CCSER1: variants seen among roughly 807,000 people sequenced by gnomAD.
CCSER1 encodes the protein serine-rich coiled-coil domain-containing protein 1.
CCSER1 carries 41 observed loss-of-function variants against 82.0 expected under a neutral mutation model. The observed-to-expected ratio is 0.50, with a 90% CI of 0.39 to 0.65. The LOEUF is 0.65. CCSER1 is among the 30% of genes least tolerant of loss of function. The pLI, the probability that CCSER1 is intolerant of heterozygous loss-of-function variation, is 0.00. For missense variants in CCSER1, 1,119 were observed against 1,064.2 expected (o/e 1.05, Z -0.72); for synonymous variants, 414 against 383.9 (o/e 1.08, Z -0.92).
chr4:90,334,179 A>G (rs1739926864), intron 3 of CCSER1, among the ~76,000 whole-genome samples: 1 of 152,164 alleles, frequency 6.6e-6, no homozygotes, highest in Non-Finnish European at 1.5e-5. Flanking sequence ...AAAGTATTTC[A>G]GTAAGGCAGG....
intron 5 of CCSER1, among the ~76,000 whole-genome samples, chr4:90,550,505 A>G (rs1456285275): frequency 6.6e-6 from 1 of 152,114 alleles, no homozygotes; most frequent in Non-Finnish European, 1.5e-5. Context: ...TTCTTTCACA[A>G]TTTTATTTTC....
At chr4:91,188,535 C>T (rs776448676) in intron 10 of CCSER1, among the ~76,000 whole-genome samples, 61 of 152,252 alleles carry the variant, frequency 4.0e-4, no homozygotes, top group Non-Finnish European at 6.8e-4. Flanking sequence ...ATAGCTAGTG[C>T]TCAGTAAATT....
At chr4:90,134,269 A>G (rs1205232220) in intron 1 of CCSER1, among the ~76,000 whole-genome samples, 1 of 152,200 alleles carries the variant, frequency 6.6e-6, no homozygotes, top group Non-Finnish European at 1.5e-5. Flanking sequence ...GAAACTCTGA[A>G]GGAGTATATC....
chr4:90,143,483 T>TACAC (rs1331230610), intron 1 of CCSER1, among the ~76,000 whole-genome samples: 10 of 78,226 alleles, frequency 1.3e-4, no homozygotes, highest in Non-Finnish European at 2.8e-4. Context: ...TCCTAGCAAG[T>TACAC]ACACACATAC....
At chr4:90,925,476 A>C (rs1234579668) in intron 9 of CCSER1, among the ~76,000 whole-genome samples, 2 of 152,194 alleles carry the variant, frequency 1.3e-5, no homozygotes, top group African/African-American at 4.8e-5. Flanking sequence ...ACTTTTATGT[A>C]ATACCATCAA....
intron 9 of CCSER1, chr4:91,017,177 G>A (rs887926851): frequency 1.3e-5 from 2 of 152,138 alleles, no homozygotes; most frequent in African/African-American, 2.4e-5. Context: ...AGTAAGATCA[G>A]CTCTGGATAC....
rs370837260 is a variant in CCSER1, at chr4:90,519,466, C to T, written c.1724+51112C>T. On this transcript the variant is annotated intron_variant, in intron 5 of 10. Transcript: ENST00000509176. The stretch of plus-strand genomic sequence containing the variant: ...TTTGTTATGTATATAAGCTGCATCC[C>T]AAAAACAAGTGTTACATAGGGAAGA... Among the ~76,000 whole-genome samples the T allele has an allele frequency of 1.9e-3, 286 of 151,738 alleles. 1 individual carries two copies. The highest frequency in any genetic ancestry group is 0.013 in the South Asian group (64 of 4,808).
At chr4:90,159,371 A>T (rs1728993203) in intron 1 of CCSER1, among the ~76,000 whole-genome samples, 2 of 152,120 alleles carry the variant, frequency 1.3e-5, no homozygotes, top group Admixed American at 6.6e-5. Flanking sequence ...AAAAAAATAT[A>T]TTGCAGTTGA....
intron 7 of CCSER1, among the ~76,000 whole-genome samples, chr4:90,761,849 T>A (rs1750458341): frequency 6.6e-6 from 1 of 151,916 alleles, no homozygotes; most frequent in Non-Finnish European, 1.5e-5. Flanking sequence ...GTGTTGCAAA[T>A]GGCCAAAGTG....
At chr4:91,117,645 T>C (rs1726735033) in intron 10 of CCSER1, among the ~76,000 whole-genome samples, 1 of 152,186 alleles carries the variant, frequency 6.6e-6, no homozygotes, top group South Asian at 2.1e-4. Context: ...GTTTTGTACC[T>C]TTGCGTTGTA....
chr4:91,017,841 GTA>G (rs55954135), intron 9 of CCSER1, among the ~76,000 whole-genome samples: 2 of 142,338 alleles, frequency 1.4e-5, no homozygotes, highest in Non-Finnish European at 3.1e-5. Context: ...GTGTGTGTGT[GTA>G]TAAATTTTTT....
At chr4:90,470,762 CAAAAAAA>C (rs754754971) in intron 5 of CCSER1, among the ~76,000 whole-genome samples, 1 of 71,254 alleles carries the variant, frequency 1.4e-5, no homozygotes, top group South Asian at 5.8e-4. Flanking sequence ...TTAATCAAAG[CAAAAAAA>C]AAAAAAAAAA....
At chr4:91,046,574 G>T (rs556854898) in intron 9 of CCSER1, among the ~76,000 whole-genome samples, 5 of 152,212 alleles carry the variant, frequency 3.3e-5, no homozygotes, top group African/African-American at 9.6e-5. Flanking sequence ...ACACAAGAAA[G>T]GTTTCTTTCT....
chr4:90,429,274 A>G (rs10027018), intron 4 of CCSER1, among the ~76,000 whole-genome samples: 2,694 of 151,926 alleles, frequency 0.018, 34 homozygotes, highest in African/African-American at 0.038. Context: ...CCACATTGCC[A>G]TTGTAGAAGT....
chr4:91,500,194 T>C (rs1560719741), intron 10 of CCSER1, among the ~76,000 whole-genome samples: 1 of 152,034 alleles, frequency 6.6e-6, no homozygotes, highest in Non-Finnish European at 1.5e-5. Flanking sequence ...TATCTCATTG[T>C]TGTTTCAATT....
At chr4:90,958,538 T>C (rs1733747959) in intron 9 of CCSER1, among the ~76,000 whole-genome samples, 1 of 152,084 alleles carries the variant, frequency 6.6e-6, no homozygotes, top group Non-Finnish European at 1.5e-5. Context: ...GCTGTGTGTT[T>C]TGGGTCGAGA....
chr4:90,615,473 T>C (rs773117341), intron 5 of CCSER1, among the ~76,000 whole-genome samples: 3 of 152,080 alleles, frequency 2.0e-5, no homozygotes, highest in Non-Finnish European at 4.4e-5. Context: ...AATATCAACA[T>C]CAACACAAAT....
chr4:91,260,533 A>G (rs1242019921), intron 10 of CCSER1, among the ~76,000 whole-genome samples: 4 of 152,162 alleles, frequency 2.6e-5, no homozygotes, highest in Admixed American at 2.6e-4. Flanking sequence ...ACAGAATTAC[A>G]TTCTGTTTGA....
Position 90,621,465 on chromosome 4 carries a change from GT to G in CCSER1, c.1725-6548del, listed in dbSNP as rs566048910. On this transcript the variant is annotated intron_variant, in intron 5 of 10. Coordinates refer to ENST00000509176, the MANE Select transcript of CCSER1 (RefSeq NM_001145065.2). ...TATCAATTGGTTTCCAAGTTTCTGG[GT>G]TTTTTTTTTTTCATCTTTATAATGT... 7.3e-3 allele frequency among the ~76,000 whole-genome samples: 1,047 copies of G among 143,206 alleles called. 9 individuals are homozygous for G. The highest frequency in any genetic ancestry group is 0.01 in the Non-Finnish European group (661 of 64,958). The allele number at this position is 143,206 out of a possible 152,430, so 93.9% of individuals were successfully genotyped here. A position where few individuals can be genotyped will look rare whatever the true frequency, so the allele number is the denominator to read the frequency against.
Sources: gnomAD v4.1 joint callset for allele counts (sites outside exome capture counted in the v4.1 genomes callset) on GRCh38, gnomAD v4.1.1 for gene constraint, MANE v1.5 for transcripts, NCBI Gene and HGNC (gene_info 2026-07-23, HGNC 2026-07-21) for gene names.